ADGRB3: variants seen among roughly 807,000 people sequenced by gnomAD.
ADGRB3 encodes brain-specific angiogenesis inhibitor 3.
A neutral mutation model predicts 193.4 loss-of-function variants in ADGRB3; 37 were observed. The observed-to-expected ratio is 0.19, with a 90% CI of 0.15 to 0.25. The LOEUF is 0.25. Among genes scored for constraint, ADGRB3 ranks in the 10% least tolerant of loss-of-function variants. The pLI is 1.00. For synonymous variants in ADGRB3, 690 were observed against 644.2 expected, an observed-to-expected ratio of 1.07 and a Z score of -1.08; for missense variants, 1,637 against 1,852.9, an observed-to-expected ratio of 0.88 and a Z score of 2.14.
chr6:69,085,193 C>A (rs1772512102), intron 17 of ADGRB3, among the ~76,000 whole-genome samples: 1 of 152,018 alleles, frequency 6.6e-6, no homozygotes, highest in South Asian at 2.1e-4. Context: ...TCATCCATTT[C>A]TCCTTATTCT....
At chr6:69,056,594 A>G (rs917610838) in intron 15 of ADGRB3, among the ~76,000 whole-genome samples, 3 of 152,072 alleles carry the variant, frequency 2.0e-5, no homozygotes, top group African/African-American at 7.2e-5. Flanking sequence ...TAAAAGTTTT[A>G]TAGTTTCTAG....
At chr6:68,810,682 G>A (rs1208768029) in intron 3 of ADGRB3, among the ~76,000 whole-genome samples, 1 of 152,068 alleles carries the variant, frequency 6.6e-6, no homozygotes, top group Non-Finnish European at 1.5e-5. Context: ...TGGTGAGATA[G>A]ACAACAATTA....
intron 17 of ADGRB3, among the ~76,000 whole-genome samples, chr6:69,213,533 C>T (rs1247648414): frequency 6.6e-6 from 1 of 152,018 alleles, no homozygotes; most frequent in Non-Finnish European, 1.5e-5. Context: ...TAGCATAGTC[C>T]CATGGGTTTC....
At chr6:69,282,593 T>C (rs1484819097) in intron 20 of ADGRB3, among the ~76,000 whole-genome samples, 1 of 152,162 alleles carries the variant, frequency 6.6e-6, no homozygotes, top group Non-Finnish European at 1.5e-5. Flanking sequence ...TTTCGTTTGT[T>C]TTTTTATTAA....
At chr6:69,223,162 G>A (rs1279352924) in intron 17 of ADGRB3, among the ~76,000 whole-genome samples, 2 of 151,938 alleles carry the variant, frequency 1.3e-5, no homozygotes, top group Non-Finnish European at 2.9e-5. Context: ...TAAGAATATC[G>A]TTTCACTCAA....
intron 17 of ADGRB3, among the ~76,000 whole-genome samples, chr6:69,120,068 A>G (rs1773641093): frequency 1.3e-5 from 2 of 152,050 alleles, no homozygotes; most frequent in Admixed American, 1.3e-4. Context: ...GAAATAGGGG[A>G]TTCATGAATA....
chr6:69,064,296 T>C (rs1457895301), intron 16 of ADGRB3, among the ~76,000 whole-genome samples: 1 of 151,662 alleles, frequency 6.6e-6, no homozygotes, highest in African/African-American at 2.4e-5. Flanking sequence ...CTATTCTAAA[T>C]AGTTTAACTA....
chr6:69,088,838 G>A (rs1231386901), intron 17 of ADGRB3, among the ~76,000 whole-genome samples: 1 of 152,016 alleles, frequency 6.6e-6, no homozygotes, highest in Non-Finnish European at 1.5e-5. Context: ...CAACACCTAC[G>A]CCACCTAGAA....
intron 3 of ADGRB3, among the ~76,000 whole-genome samples, chr6:68,784,849 G>C (rs976072026): frequency 6.6e-6 from 1 of 152,050 alleles, no homozygotes; most frequent in Non-Finnish European, 1.5e-5. Context: ...AAGAATTCTT[G>C]ATACTAAAGT....
intron 17 of ADGRB3, among the ~76,000 whole-genome samples, chr6:69,202,688 C>G (rs1182087782): frequency 6.6e-6 from 1 of 152,102 alleles, no homozygotes; most frequent in Non-Finnish European, 1.5e-5. Flanking sequence ...ATGTAGGTAG[C>G]TGAATTTTTA....
Position 69,331,749 on chromosome 6 carries a change from T to A in ADGRB3, c.3103-1174T>A, listed in dbSNP as rs190648255. 2.3e-3 allele frequency: 2,285 copies of A among 985,150 alleles called. 11 individuals carry two copies. Among genetic ancestry groups the A allele is most frequent in the Non-Finnish European group, 2.3e-3 (1,941 of 829,706 alleles). The allele number at this position is 985,150 out of a possible 1,614,324, so 61.0% of individuals were successfully genotyped here. ...ATAACACTAAAATGAAGAAACACAGTGTGTATATAATTGAAACACCAAAGT... is the reference window on the plus strand; with the variant it reads ...ATAACACTAAAATGAAGAAACACAGAGTGTATATAATTGAAACACCAAAGT... On this transcript the variant is annotated intron_variant, in intron 23 of 31. Transcript: ENST00000370598.
intron 26 of ADGRB3, among the ~76,000 whole-genome samples, chr6:69,341,109 A>G (rs1292265557): frequency 6.6e-6 from 1 of 152,238 alleles, no homozygotes; most frequent in East Asian, 1.9e-4. Context: ...AGAATGATGT[A>G]TAATCCTTTG....
rs532909476 is a variant in ADGRB3 at position 69,031,110 on chromosome 6, T to A, written c.2107+12611T>A. Among the ~76,000 whole-genome samples the A allele has an allele frequency of 3.9e-5, 3 of 76,910 alleles. 1 individual carries two copies. Among genetic ancestry groups the A allele is most frequent in the Non-Finnish European group, 8.7e-5 (3 of 34,604 alleles). 50.5% of individuals were successfully genotyped at this position (76,910 alleles called of 152,430 possible). A position where few individuals can be genotyped will look rare whatever the true frequency, so the allele number is the denominator to read the frequency against. On this transcript the variant is annotated intron_variant, in intron 13 of 31. Transcript: ENST00000370598. ...TCTTCTCTTCTCTTCTCTTCTCTTC[T>A]CTTCTCTCTCTTCTCTCTGTCTCTC...
At chr6:69,253,554 C>T (rs1162542532) in intron 20 of ADGRB3, among the ~76,000 whole-genome samples, 1 of 151,972 alleles carries the variant, frequency 6.6e-6, no homozygotes, top group African/African-American at 2.4e-5. Context: ...AACTGCAGTG[C>T]TTTTGGACTC....
At chr6:69,152,912 A>G (rs1774720290) in intron 17 of ADGRB3, among the ~76,000 whole-genome samples, 1 of 152,174 alleles carries the variant, frequency 6.6e-6, no homozygotes, top group Non-Finnish European at 1.5e-5. Flanking sequence ...TAAATTGAGG[A>G]TCCTGGAACT....
At chr6:69,040,350 T>TTTCTTTCTTTCG (rs1771003650) in intron 13 of ADGRB3, among the ~76,000 whole-genome samples, 1 of 54,712 alleles carries the variant, frequency 1.8e-5, no homozygotes, top group Admixed American at 2.7e-4. Context: ...TCTTTCTTTC[T>TTTCTTTCTTTCG]TTCTTTCTTT....
intron 3 of ADGRB3, among the ~76,000 whole-genome samples, chr6:68,915,262 T>G (rs1227186565): frequency 6.7e-6 from 1 of 148,400 alleles, no homozygotes; most frequent in African/African-American, 2.5e-5. Context: ...GCTTCATAAG[T>G]AAAATGAGAA....
At chr6:69,071,005 G>A (rs973304904) in intron 16 of ADGRB3, among the ~76,000 whole-genome samples, 9 of 152,100 alleles carry the variant, frequency 5.9e-5, no homozygotes, top group East Asian at 1.9e-4. Flanking sequence ...GTACCTAGTC[G>A]TACCTCTCTC....
At chr6:68,784,074 T>A (rs1444928255) in intron 3 of ADGRB3, among the ~76,000 whole-genome samples, 2 of 152,128 alleles carry the variant, frequency 1.3e-5, no homozygotes, top group Non-Finnish European at 2.9e-5. Flanking sequence ...AAGACAATGA[T>A]ATCTGAATAA....
Sources: gnomAD v4.1 joint callset for allele counts (sites outside exome capture counted in the v4.1 genomes callset) on GRCh38, gnomAD v4.1.1 for gene constraint, MANE v1.5 for transcripts, NCBI Gene and HGNC (gene_info 2026-07-23, HGNC 2026-07-21) for gene names.